Variants in AHCYL1 observed in about 807,000 individuals in gnomAD.
AHCYL1 encodes S-adenosylhomocysteine hydrolase-like protein 1.
AHCYL1 carries 20 observed loss-of-function variants against 79.3 expected under a neutral mutation model. The ratio of observed to expected loss-of-function variants is 0.25; its 90% confidence interval spans 0.18 to 0.37. The LOEUF is 0.37. Ranked by LOEUF, AHCYL1 falls within the 10% of genes least tolerant of loss-of-function variation. AHCYL1 has a pLI of 1.00. For missense variants in AHCYL1, 330 were observed against 673.6 expected (o/e 0.49, Z 5.65); for synonymous variants, 223 against 242.2 (o/e 0.92, Z 0.74).
At position 109,985,080 on chromosome 1, in the gene AHCYL1, C is replaced by A; in HGVS notation, c.28C>A (p.Pro10Thr). 3 of 1,606,384 alleles carry A rather than the reference C, an allele frequency of 1.9e-6. No individual in the cohort carries two copies. The highest frequency in any genetic ancestry group is 2.5e-6 in the Non-Finnish European group (3 of 1,177,106). The change falls in exon 1 of 17, where the codon CCC (proline) becomes ACC (threonine). Residue 10 changes from proline (P) to threonine (T), a missense_variant. By Grantham distance (38) the Pro-to-Thr change is conservative (BLOSUM62 -1). This residue lies in a region of AHCYL1 where 66 missense variants were observed against 68.0 expected (regional missense o/e 0.97). Transcript: ENST00000369799. The part of the protein sequence containing the change: MSMPDAMPL[P>T]GVGEELKQAK... ...GTCGATGCCTGACGCGATGCCGCTGCCCGGGGTCGGGGAGGAGCTGAAGCA... is the reference window on the plus strand; with the variant it reads ...GTCGATGCCTGACGCGATGCCGCTGACCGGGGTCGGGGAGGAGCTGAAGCA...
chr1:110,003,096 T>C (rs934865531), intron 1 of AHCYL1, among the ~76,000 whole-genome samples: 4 of 152,200 alleles, frequency 2.6e-5, no homozygotes, highest in African/African-American at 9.7e-5. Flanking sequence ...TTGGCAGGGT[T>C]GAGGAGACTG....
chr1:110,010,327 G>A (rs948720187), intron 2 of AHCYL1, among the ~76,000 whole-genome samples: 4 of 152,206 alleles, frequency 2.6e-5, no homozygotes, highest in African/African-American at 9.6e-5. Context: ...CCTGTACATA[G>A]AAGTCAGTCA....
intron 1 of AHCYL1, among the ~76,000 whole-genome samples, chr1:109,992,723 A>G (rs74538948): frequency 0.015 from 2,316 of 152,338 alleles, 66 homozygotes; most frequent in African/African-American, 0.052. Flanking sequence ...TAGAGACTGT[A>G]GAACAATGGT....
chr1:109,989,521 ATATAG>A (rs1649646513), intron 1 of AHCYL1, among the ~76,000 whole-genome samples: 2 of 152,122 alleles, frequency 1.3e-5, no homozygotes, highest in African/African-American at 4.8e-5. Flanking sequence ...GCCCACCCCA[ATATAG>A]TATTCTTGGA....
At position 110,016,647 on chromosome 1, in the gene AHCYL1, G is replaced by A; in HGVS notation, c.900-20G>A. 6.2e-7 allele frequency: 1 copy of A among 1,614,008 alleles called. No homozygotes were observed. ...TTTGAGCTATTAACGTTTGAGTTGA[G>A]CCCTTGTCTGTTTCCACAGCCTGAA... is the stretch of plus-strand genomic sequence containing the variant. On this transcript the variant is annotated intron_variant, in intron 8 of 16. Coordinates refer to ENST00000369799, the MANE Select transcript of AHCYL1 (RefSeq NM_006621.7).
At chr1:110,015,673 G>T in intron 7 of AHCYL1, 142 bp downstream of exon 7, 1 of 646,742 alleles carries the variant, frequency 1.5e-6, no homozygotes. Context: ...TTTTACTTTT[G>T]AAAAATCAAG....
In AHCYL1 at chr1:110,022,602, AC is replaced by A. The variant is rs1651874701; in HGVS notation, c.*924del. On this transcript the variant is annotated 3_prime_UTR_variant, in exon 17 of 17. Transcript: ENST00000369799. ...CAACAGCAAATTCTATCAGCTGTGT[AC>A]CATACAGCTTGTGCTGAAGGCGAAT... is the stretch of plus-strand genomic sequence containing the variant. 1 of 152,630 alleles carries A rather than the reference AC, an allele frequency of 6.6e-6. No homozygotes were observed. The highest frequency in any genetic ancestry group is 6.5e-5 in the Admixed American group (1 of 15,278). 9.5% of individuals were successfully genotyped at this position (152,630 alleles called of 1,614,324 possible). A position where few individuals can be genotyped will look rare whatever the true frequency, so the allele number is the denominator to read the frequency against.
intron 1 of AHCYL1, among the ~76,000 whole-genome samples, chr1:109,997,572 G>C (rs1025695453): frequency 1.3e-5 from 2 of 152,164 alleles, no homozygotes; most frequent in Non-Finnish European, 2.9e-5. Context: ...GGCAGATAAG[G>C]GTTTGCCTTA....
intron 1 of AHCYL1, 179 bp downstream of exon 1, chr1:109,985,351 CCT>C: frequency 7.5e-7 from 1 of 1,325,290 alleles, no homozygotes; most frequent in Non-Finnish European, 9.7e-7. Context: ...CCGCCTCTGA[CCT>C]CGCTTTCCTT....
chr1:110,018,057 A>G (rs762332729), intron 11 of AHCYL1, 41 bp downstream of exon 11: 2 of 1,602,528 alleles, frequency 1.2e-6, no homozygotes, highest in Admixed American at 1.7e-5. Context: ...CAGAGGCTAA[A>G]TCTTGAAAGT....
Position 110,009,054 on chromosome 1 carries a change from C to T in AHCYL1, c.141C>T (p.Asp47=). 1 of 1,613,574 alleles carries T rather than the reference C, an allele frequency of 6.2e-7. No individual in the cohort carries two copies. The highest frequency in any genetic ancestry group is 8.5e-7 in the Non-Finnish European group (1 of 1,179,612). Reference sequence around the variant, plus strand: ...TATAGCAAATCCAGTTTGCTGATGACATGCAGGAGTTCACCAAATTCCCCA... The same window carrying T: ...TATAGCAAATCCAGTTTGCTGATGATATGCAGGAGTTCACCAAATTCCCCA... The part of the protein sequence containing the change: ...APKKQIQFAD[D]MQEFTKFPTK... Residue 47 remains aspartate, a synonymous_variant, in exon 2 of 17, where the codon GAC becomes GAT. Coordinates refer to ENST00000369799, the MANE Select transcript of AHCYL1 (RefSeq NM_006621.7).
chr1:109,998,259 G>C (rs1650124467), intron 1 of AHCYL1, among the ~76,000 whole-genome samples: 1 of 152,148 alleles, frequency 6.6e-6, no homozygotes, highest in African/African-American at 2.4e-5. Context: ...TTCAGCTTAT[G>C]AAGTTATATA....
chr1:110,018,806 C>A, intron 13 of AHCYL1, 156 bp downstream of exon 13: 1 of 830,172 alleles, frequency 1.2e-6, no homozygotes, highest in Non-Finnish European at 1.9e-6. Flanking sequence ...AATAAAACCA[C>A]TTTAAAAAAA....
At chr1:109,987,355 A>T (rs142038698) in intron 1 of AHCYL1, among the ~76,000 whole-genome samples, 4 of 152,368 alleles carry the variant, frequency 2.6e-5, no homozygotes, top group African/African-American at 7.2e-5. Context: ...GGAAAAAAGT[A>T]ACTTGGCATG....
chr1:109,994,263 T>C (rs1326647580), intron 1 of AHCYL1, among the ~76,000 whole-genome samples: 2 of 151,564 alleles, frequency 1.3e-5, no homozygotes, highest in African/African-American at 4.9e-5. Context: ...TATTTTGTGT[T>C]GTTTGTTTGT....
At chr1:109,993,735 ATATCCT>A in intron 1 of AHCYL1, among the ~76,000 whole-genome samples, 1 of 152,330 alleles carries the variant, frequency 6.6e-6, no homozygotes, top group East Asian at 1.9e-4. Flanking sequence ...GGGCATAGGG[ATATCCT>A]TAGACAATAA....
At chr1:110,000,419 T>C (rs1650245189) in intron 1 of AHCYL1, among the ~76,000 whole-genome samples, 1 of 152,254 alleles carries the variant, frequency 6.6e-6, no homozygotes, top group African/African-American at 2.4e-5. Context: ...GCTCTGCTAT[T>C]ACTGGGCTCT....
At chr1:110,012,528 TC>T in intron 4 of AHCYL1, 66 bp downstream of exon 4, 1 of 1,298,586 alleles carries the variant, frequency 7.7e-7, no homozygotes, top group Non-Finnish European at 1.0e-6. Context: ...TTTTTTTTTT[TC>T]ACTTTTCCTT....
intron 1 of AHCYL1, among the ~76,000 whole-genome samples, chr1:109,992,179 CAGG>C (rs1408319376): frequency 6.6e-6 from 1 of 151,996 alleles, no homozygotes; most frequent in Non-Finnish European, 1.5e-5. Flanking sequence ...GAGGCCGAGG[CAGG>C]AGGATCACAA....
Sources: gnomAD v4.1 joint callset for allele counts (sites outside exome capture counted in the v4.1 genomes callset) on GRCh38, gnomAD v4.1.1 for gene constraint, gnomAD v4.1.1 regional missense constraint, MANE v1.5 for transcripts, NCBI Gene and HGNC (gene_info 2026-07-23, HGNC 2026-07-21) for gene names.